YAP1: variants seen among roughly 807,000 people sequenced by gnomAD.
YAP1 encodes Yes1 associated transcriptional regulator.
Under a neutral mutation model 56.9 loss-of-function variants are expected in YAP1, and 5 were observed. The ratio of observed to expected loss-of-function variants is 0.09; its 90% CI spans 0.05 to 0.18. The LOEUF (loss-of-function observed/expected upper bound fraction) is 0.18. Among genes scored for constraint, YAP1 ranks in the 10% least tolerant of loss-of-function variants. The pLI, the probability that YAP1 is intolerant of heterozygous loss-of-function variation, is 1.00. For synonymous variants in YAP1, 265 were observed against 248.1 expected (o/e 1.07, Z -0.64); for missense variants, 539 against 651.8 (o/e 0.83, Z 1.88).
intron 3 of YAP1, among the ~76,000 whole-genome samples, chr11:102,176,144 C>T (rs538326963): frequency 5.6e-4 from 86 of 152,282 alleles, no homozygotes; most frequent in African/African-American, 2.0e-3. Context: ...CAAAGTATCA[C>T]AAACTACTAA....
chr11:102,171,800 T>C (rs978387588), intron 3 of YAP1, among the ~76,000 whole-genome samples: 1 of 152,190 alleles, frequency 6.6e-6, no homozygotes, highest in African/African-American at 2.4e-5. Context: ...CCTTCTTAAA[T>C]CATTCATTCT....
At position 102,141,226 on chromosome 11, in the gene YAP1, C is replaced by G. The variant is rs1945005906; in HGVS notation, c.573-21230C>G. On this transcript the variant is annotated intron_variant, in intron 2 of 8. Transcript: ENST00000282441. Reference sequence around the variant, plus strand: ...TGGGAATATGAGTTTTCACTTTGGACTTGATATTGTGTCTTGTGTGCCTAG... The same window carrying G: ...TGGGAATATGAGTTTTCACTTTGGAGTTGATATTGTGTCTTGTGTGCCTAG... Among the ~76,000 whole-genome samples the G allele has an allele frequency of 2.0e-5, 3 of 152,154 alleles. No individual in the cohort carries two copies. The South Asian group carries it at 6.2e-4, about 32-fold the overall frequency.
At chr11:102,156,876 T>C (rs1945983312) in intron 2 of YAP1, among the ~76,000 whole-genome samples, 1 of 152,198 alleles carries the variant, frequency 6.6e-6, no homozygotes, top group Admixed American at 6.5e-5. Context: ...CCAGGGGAGA[T>C]GTATTATATA....
chr11:102,121,249 G>C (rs960772007), intron 2 of YAP1, among the ~76,000 whole-genome samples: 3 of 152,086 alleles, frequency 2.0e-5, no homozygotes, highest in Non-Finnish European at 2.9e-5. Context: ...ACCAGCCTGG[G>C]CAATGTAGCA....
intron 2 of YAP1, among the ~76,000 whole-genome samples, chr11:102,118,460 CTTTCCTT>C (rs891447050): frequency 1.1e-4 from 11 of 100,196 alleles, no homozygotes; most frequent in African/African-American, 3.1e-4. Flanking sequence ...TTTTTTCTTT[CTTTCCTT>C]TTTTTTTTTT....
At chr11:102,224,172 G>A (rs949279066) in intron 7 of YAP1, among the ~76,000 whole-genome samples, 4 of 152,212 alleles carry the variant, frequency 2.6e-5, no homozygotes, top group Non-Finnish European at 5.9e-5. Context: ...TCACCCAGCA[G>A]CACTGTAAGG....
rs1946545474 is a variant in YAP1 at position 102,165,437 on chromosome 11, T to A, written c.688+2866T>A. ...TATATTACATAAAAATTAGTATGCA[T>A]ATACATGTCTAAATAATAGAGCTAT... On this transcript the variant is annotated intron_variant, in intron 3 of 8. Transcript: ENST00000282441. Among the ~76,000 whole-genome samples the A allele has an allele frequency of 2.0e-5, 3 of 152,146 alleles. No individual in the cohort carries two copies. In the South Asian group the frequency reaches 6.2e-4, roughly 32 times the overall value.
intron 7 of YAP1, chr11:102,226,937 G>C (rs1362370397): frequency 6.6e-6 from 1 of 152,404 alleles, no homozygotes; most frequent in Non-Finnish European, 1.5e-5. Context: ...GTTTATTTGG[G>C]GTTGATTTTT....
intron 7 of YAP1, among the ~76,000 whole-genome samples, chr11:102,224,261 G>A (rs964382081): frequency 2.0e-5 from 3 of 152,082 alleles, no homozygotes; most frequent in Non-Finnish European, 4.4e-5. Flanking sequence ...TAAGATTAAC[G>A]GCAGTATTTG....
At chr11:102,113,678 T>C (rs1393849465) in intron 1 of YAP1, among the ~76,000 whole-genome samples, 1 of 152,190 alleles carries the variant, frequency 6.6e-6, no homozygotes, top group African/African-American at 2.4e-5. Context: ...GACGAGGGCT[T>C]GATTTTTCTT....
chr11:102,177,466 G>A (rs1947325119), intron 3 of YAP1, among the ~76,000 whole-genome samples: 1 of 152,008 alleles, frequency 6.6e-6, no homozygotes, highest in South Asian at 2.1e-4. Context: ...AAGTTTCAAG[G>A]TCAAAAGATC....
intron 2 of YAP1, among the ~76,000 whole-genome samples, chr11:102,147,063 C>G (rs1032999230): frequency 6.6e-6 from 1 of 152,158 alleles, no homozygotes; most frequent in African/African-American, 2.4e-5. Context: ...ACTCTGTTAT[C>G]TCTATTTTAT....
chr11:102,183,814 C>T (rs1255136563), intron 3 of YAP1, among the ~76,000 whole-genome samples: 1 of 151,872 alleles, frequency 6.6e-6, no homozygotes, highest in Non-Finnish European at 1.5e-5. Flanking sequence ...CGGTGGCTCA[C>T]GCCTGTAATC....
chr11:102,111,311 G>A, intron 1 of YAP1, 142 bp downstream of exon 1: 3 of 799,690 alleles, frequency 3.8e-6, no homozygotes, highest in South Asian at 3.6e-5. Context: ...GAGGCGAAGT[G>A]GAACTGGAGT....
At position 102,185,884 on chromosome 11, in the gene YAP1, C is replaced by A. The variant is rs1039781341; in HGVS notation, c.689-134C>A. 20 of 877,642 alleles carry A rather than the reference C, an allele frequency of 2.3e-5. No homozygotes were observed. In the African/African-American group the frequency reaches 3.1e-4, roughly 14 times the overall value. The allele number at this position is 877,642 out of a possible 1,614,324, so 54.4% of individuals were successfully genotyped here. A position where few individuals can be genotyped will look rare whatever the true frequency, so the allele number is the denominator to read the frequency against. On this transcript the variant is annotated intron_variant, in intron 3 of 8. Transcript: ENST00000282441. ...TATAGGTTTACCTTTCTTCTCTGAA[C>A]ACAGCCTTAAATATGTTTCAATGAA...
chr11:102,160,874 T>C (rs907291088), intron 2 of YAP1, among the ~76,000 whole-genome samples: 1 of 152,140 alleles, frequency 6.6e-6, no homozygotes, highest in African/African-American at 2.4e-5. Context: ...TCAGCTACTC[T>C]GTGTTCACAT....
chr11:102,206,547 A>G (rs1162723808), intron 5 of YAP1, among the ~76,000 whole-genome samples: 3 of 152,220 alleles, frequency 2.0e-5, no homozygotes, highest in Non-Finnish European at 2.9e-5. Flanking sequence ...ATTGAAAACA[A>G]AATAAATGTT....
intron 7 of YAP1, among the ~76,000 whole-genome samples, chr11:102,224,177 G>A (rs1252183527): frequency 6.6e-6 from 1 of 152,192 alleles, no homozygotes; most frequent in Non-Finnish European, 1.5e-5. Context: ...CAGCAGCACT[G>A]TAAGGCCTCA....
chr11:102,123,756 C>T (rs1363825729), intron 2 of YAP1, among the ~76,000 whole-genome samples: 5 of 149,550 alleles, frequency 3.3e-5, no homozygotes, highest in Non-Finnish European at 7.4e-5. Context: ...TCTCTGGCCT[C>T]AGCCTCCCGA....
Sources: allele counts gnomAD v4.1 joint callset (sites outside exome capture counted in the v4.1 genomes callset), GRCh38; gene constraint gnomAD v4.1.1; transcripts MANE v1.5; gene names NCBI Gene and HGNC (gene_info 2026-07-23, HGNC 2026-07-21).